The following TRIM66 variants were observed in gnomAD, a reference collection of about 807,000 sequenced individuals.
The protein encoded by TRIM66 is tripartite motif containing 66, also known as tripartite motif-containing protein 66.
A neutral mutation model predicts 148.2 loss-of-function variants in TRIM66; 99 were observed. That is an observed-to-expected ratio of 0.67 (90% confidence interval 0.57 to 0.79). The LOEUF (loss-of-function observed/expected upper bound fraction) is 0.79. Ranked by LOEUF, TRIM66 falls within the 30% of genes least tolerant of loss-of-function variation. The probability of loss-of-function intolerance (pLI) is 0.00; values close to 1 mark genes in which losing one functional copy is unlikely to be tolerated. For missense variants in TRIM66, 1,666 were observed against 1,697.9 expected (o/e 0.98, Z 0.33); for synonymous variants, 616 against 635.9 (o/e 0.97, Z 0.47).
chr11:8,640,602 G>A lies in TRIM66; in HGVS notation c.1773C>T (p.Leu591=). The change falls in exon 14 of 25, where the codon CTC becomes CTT. Residue 591 remains leucine (L), a synonymous_variant. Coordinates refer to ENST00000646038, the MANE Select transcript of TRIM66 (RefSeq NM_001388022.1). ...GCTGTGGCTGCTGCTGAAAGTGACT[G>A]AGCTTCAGCTTCTGGTGGTGGCCAA... is the stretch of plus-strand genomic sequence containing the variant. ...VQFGHHQKLK[L]SHFQQQPQQQ... is the part of the protein sequence containing the mutation. 1.3e-6 allele frequency: 2 copies of A among 1,551,518 alleles called. No individual in the cohort carries two copies. Among genetic ancestry groups the A allele is most frequent in the Non-Finnish European group, 1.7e-6 (2 of 1,146,968 alleles).
intron 1 of TRIM66, among the ~76,000 whole-genome samples, chr11:8,680,396 T>C (rs1390576970): frequency 6.6e-6 from 1 of 151,870 alleles, no homozygotes; most frequent in Admixed American, 6.6e-5. Context: ...GCAGGCAGAG[T>C]GAACAAAGGA....
intron 14 of TRIM66, among the ~76,000 whole-genome samples, chr11:8,639,889 C>T (rs2133068563): frequency 6.6e-6 from 1 of 152,322 alleles, no homozygotes; most frequent in South Asian, 2.1e-4. Flanking sequence ...AAGAGACAGC[C>T]TCTCTTCTGC....
intron 15 of TRIM66, among the ~76,000 whole-genome samples, chr11:8,637,464 T>G (rs1386415711): frequency 6.6e-6 from 1 of 152,208 alleles, no homozygotes; most frequent in African/African-American, 2.4e-5. Flanking sequence ...CAAGGGCCTC[T>G]ATGCCAAGTC....
rs978202865 is a variant in TRIM66, at chr11:8,619,547, A to T, written c.3748-12T>A. 3 of 1,520,976 alleles carry T rather than the reference A, an allele frequency of 2.0e-6. No individual in the cohort carries two copies. The highest frequency in any genetic ancestry group is 1.8e-6 in the Non-Finnish European group (2 of 1,133,404). 94.2% of individuals were successfully genotyped at this position (1,520,976 alleles called of 1,614,324 possible). ...TAATAATGCCGGGCCTTGGGGGAGG[A>T]GACATGAGGAGAAGGAGGCAAAGGG... On this transcript the variant is annotated splice_polypyrimidine_tract_variant and intron_variant, in intron 22 of 24. Coordinates refer to ENST00000646038, the MANE Select transcript of TRIM66 (RefSeq NM_001388022.1).
chr11:8,651,728 A>G, intron 7 of TRIM66, 72 bp downstream of exon 7: 1 of 1,167,380 alleles, frequency 8.6e-7, no homozygotes, highest in Non-Finnish European at 1.3e-6. Flanking sequence ...ATGGATGGAT[A>G]GAAGACTTAT....
At position 8,672,394 on chromosome 11, in the gene TRIM66, C is replaced by A; in HGVS notation, c.-111-9G>T. 1 of 1,491,806 alleles carries A rather than the reference C, an allele frequency of 6.7e-7. No homozygotes were observed. The highest frequency in any genetic ancestry group is 8.9e-7 in the Non-Finnish European group (1 of 1,127,862). 92.4% of individuals were successfully genotyped at this position (1,491,806 alleles called of 1,614,324 possible). ...TGGTAGACAAGCTTGACCTAAGTTT[C>A]AATTTTGGAAAAAGGAAGAAAATTG... On this transcript the variant is annotated splice_polypyrimidine_tract_variant and intron_variant, in intron 4 of 24. Transcript: ENST00000646038.
At chr11:8,644,622 C>A (rs1197107291) in intron 12 of TRIM66, among the ~76,000 whole-genome samples, 11 of 152,198 alleles carry the variant, frequency 7.2e-5, no homozygotes, top group Non-Finnish European at 1.5e-5. Flanking sequence ...ACTTACCCCA[C>A]CACACACCCC....
chr11:8,666,159 A>G (rs1311537100), intron 6 of TRIM66, among the ~76,000 whole-genome samples: 1 of 151,022 alleles, frequency 6.6e-6, no homozygotes, highest in Non-Finnish European at 1.5e-5. Context: ...CAATATGGCG[A>G]AACCCCATCT....
chr11:8,676,441 C>T lies in TRIM66; in HGVS notation c.-189-1558G>A, dbSNP rs540806336. On this transcript the variant is annotated intron_variant, in intron 3 of 24. Transcript: ENST00000646038. The stretch of plus-strand genomic sequence containing the variant: ...AACTCCCTGAAACGGTCTCAGGGAC[C>T]CCCCACCCCATAAGGTCTACAGACC... Among the ~76,000 whole-genome samples, 6 of 152,126 alleles carry T rather than the reference C, an allele frequency of 3.9e-5. No homozygotes were observed. The South Asian group carries it at 1.0e-3, about 26-fold the overall frequency.
At chr11:8,668,590 ATT>A (rs371926410) in intron 6 of TRIM66, among the ~76,000 whole-genome samples, 2 of 143,670 alleles carry the variant, frequency 1.4e-5, no homozygotes, top group African/African-American at 2.5e-5. Context: ...ATTTTTATTT[ATT>A]TTTTTTTTTT....
chr11:8,669,598 G>C (rs952592087), intron 6 of TRIM66, among the ~76,000 whole-genome samples: 1 of 149,936 alleles, frequency 6.7e-6, no homozygotes, highest in Non-Finnish European at 1.5e-5. Flanking sequence ...AGCCGAGATC[G>C]CACCACTGCA....
Position 8,663,434 on chromosome 11 carries a change from C to T in TRIM66, c.340+8352G>A, listed in dbSNP as rs149987772. Among the ~76,000 whole-genome samples the T allele has an allele frequency of 3.6e-4, 55 of 152,228 alleles. No individual in the cohort carries two copies. The East Asian group carries it at 9.5e-3, about 26-fold the overall frequency. On this transcript the variant is annotated intron_variant, in intron 6 of 24. Coordinates refer to ENST00000646038, the MANE Select transcript of TRIM66 (RefSeq NM_001388022.1). ...TAAAGTTTAATTTGTAAATTAGGCA[C>T]AGTAGGAGATTAACAATAACTAATA...
At chr11:8,642,985 C>G (rs1313946760) in intron 13 of TRIM66, 24 bp downstream of exon 13, 1 of 1,527,124 alleles carries the variant, frequency 6.5e-7, no homozygotes, top group Non-Finnish European at 8.8e-7. Flanking sequence ...GTGGGTAGGC[C>G]TGGGTGGGTG....
Position 8,645,758 on chromosome 11 carries a change from G to A in TRIM66, c.1087C>T (p.Leu363Phe), listed in dbSNP as rs1490913558. Reference sequence around the variant, plus strand: ...CCTCTTACCAGCTCTTTGCTGAAAAGAAAAGGGACACTGGTTTTGCTGCAG... The same window carrying A: ...CCTCTTACCAGCTCTTTGCTGAAAAAAAAAGGGACACTGGTTTTGCTGCAG... ...AVCSKTSVPF[L>F]FSKELIVFQM... The change falls in exon 12 of 25, where the codon CTT (leucine) becomes TTT (phenylalanine). Residue 363 changes from leucine (L) to phenylalanine (F), a missense_variant. Physicochemically the swap from Leu to Phe is conservative, Grantham distance 22. This residue lies in a region of TRIM66 where 1,431 missense variants were observed against 1,412.4 expected (regional missense o/e 1.01). Transcript: ENST00000646038. The A allele has an allele frequency of 6.4e-7, 1 of 1,551,714 alleles. No individual in the cohort carries two copies.
At chr11:8,659,184 G>C (rs1463194498) in intron 6 of TRIM66, among the ~76,000 whole-genome samples, 1 of 152,102 alleles carries the variant, frequency 6.6e-6, no homozygotes, top group Non-Finnish European at 1.5e-5. Flanking sequence ...GGAAAGACCG[G>C]AAGGAGAGTA....
chr11:8,665,806 G>A (rs554949419), intron 6 of TRIM66, among the ~76,000 whole-genome samples: 2,219 of 151,922 alleles, frequency 0.015, 22 homozygotes, highest in Middle Eastern at 0.048. Context: ...AAAATTAGCC[G>A]GGCGTGGTGG....
chr11:8,680,168 A>G (rs559474818), intron 1 of TRIM66, 105 bp from the exon 2 acceptor site: 1 of 152,516 alleles, frequency 6.6e-6, no homozygotes, highest in Admixed American at 6.5e-5. Context: ...AGCATGAGCA[A>G]AGGCAAAAAT....
In TRIM66 at chr11:8,648,078, T is replaced by C. The variant is rs1476924001; in HGVS notation, c.734A>G (p.His245Arg). 1.3e-6 allele frequency: 2 copies of C among 1,551,576 alleles called. No homozygotes were observed. The highest frequency in any genetic ancestry group is 1.7e-6 in the Non-Finnish European group (2 of 1,146,868). ...VVEHKEHRCR[H>R]VEEVLQNQRM... ...CTGGTTTTGCAAAACTTCTTCAACATGTCTGCACCTAGGGGATGAGGCAGA... is the reference window on the plus strand; with the variant it reads ...CTGGTTTTGCAAAACTTCTTCAACACGTCTGCACCTAGGGGATGAGGCAGA... The change falls in exon 10 of 25, where the codon CAT (histidine) becomes CGT (arginine). Residue 245 changes from histidine to arginine, a missense_variant. Around this residue, in one of 3 missense-constraint regions of TRIM66, gnomAD observed 1,431 missense variants for 1,412.4 expected, o/e 1.01. Transcript: ENST00000646038.
rs1454745124 is a variant in TRIM66 at position 8,649,736 on chromosome 11, G to C, written c.592+4C>G. The C allele has an allele frequency of 6.4e-7, 1 of 1,550,984 alleles. No homozygotes were observed. Among genetic ancestry groups the C allele is most frequent in the East Asian group, 2.4e-5 (1 of 40,914 alleles). On this transcript the variant is annotated splice_donor_region_variant and intron_variant, in intron 8 of 24. Coordinates refer to ENST00000646038, the MANE Select transcript of TRIM66 (RefSeq NM_001388022.1). ...GAGTGGGCAGGGAGAGGTGGGATTGGTACCTGGAGATCCCTTCTGGGCCCG... is the reference window on the plus strand; with the variant it reads ...GAGTGGGCAGGGAGAGGTGGGATTGCTACCTGGAGATCCCTTCTGGGCCCG...
Sources: gnomAD v4.1 joint callset for allele counts (sites outside exome capture counted in the v4.1 genomes callset) on GRCh38, gnomAD v4.1.1 for gene constraint, gnomAD v4.1.1 regional missense constraint, MANE v1.5 for transcripts, NCBI Gene and HGNC (gene_info 2026-07-23, HGNC 2026-07-21) for gene names.